The following BICDL1 variants were observed in gnomAD, a reference collection of about 807,000 sequenced individuals.
BICDL1 encodes the protein BICD family-like cargo adapter 1.
BICDL1 carries 20 observed loss-of-function variants against 76.8 expected under a neutral mutation model. That is an observed-to-expected ratio of 0.26 (90% CI 0.18 to 0.38). The LOEUF (loss-of-function observed/expected upper bound fraction) is 0.38, where lower values mean the gene tolerates loss of function less well. BICDL1 is among the 10% of genes least tolerant of loss of function. BICDL1 has a pLI of 1.00. For missense variants in BICDL1, 700 were observed against 798.6 expected (o/e 0.88, Z 1.49); for synonymous variants, 383 against 337.1 (o/e 1.14, Z -1.49).
chr12:120,080,532 C>CT (rs1248604588), intron 7 of BICDL1: 2 of 195,728 alleles, frequency 1.0e-5, no homozygotes, highest in East Asian at 2.2e-4. Context: ...ACCCTAAAAA[C>CT]TGTGTGTCAT....
intron 2 of BICDL1, among the ~76,000 whole-genome samples, chr12:120,022,145 G>A (rs951143075): frequency 2.7e-5 from 4 of 150,582 alleles, no homozygotes; most frequent in Admixed American, 6.6e-5. Flanking sequence ...TGGGTTGGAG[G>A]AACAAGTTAA....
At chr12:120,033,630 G>A (rs1208962867) in intron 2 of BICDL1, among the ~76,000 whole-genome samples, 5 of 151,862 alleles carry the variant, frequency 3.3e-5, no homozygotes, top group African/African-American at 4.8e-5. Context: ...CTTGTGATCC[G>A]CCTGCCTCGG....
At chr12:120,039,657 A>G (rs1042388625) in intron 2 of BICDL1, among the ~76,000 whole-genome samples, 2 of 151,276 alleles carry the variant, frequency 1.3e-5, no homozygotes, top group Middle Eastern at 3.2e-3. Context: ...AAAAAAAAAA[A>G]AAAGAAAAGG....
intron 1 of BICDL1, 71 bp from the exon 2 acceptor site, chr12:119,998,450 C>A: frequency 7.3e-7 from 1 of 1,363,888 alleles, no homozygotes; most frequent in Non-Finnish European, 9.9e-7. Flanking sequence ...AAAGTTGGGA[C>A]AGCGCGGAGA....
In BICDL1 at chr12:119,991,383, A is replaced by G. The variant is rs1179010051; in HGVS notation, c.429+1086A>G. 3.3e-5 allele frequency among the ~76,000 whole-genome samples: 5 copies of G among 152,344 alleles called. No homozygotes were observed. The Middle Eastern group carries it at 0.01, about 311-fold the overall frequency. ...CAGAAATATTCTGTAATAAGATTTA[A>G]GTATGCCTATAGTCCAGCGACGTAA... is the stretch of plus-strand genomic sequence containing the variant. On this transcript the variant is annotated intron_variant, in intron 1 of 9. Transcript: ENST00000548673.
intron 2 of BICDL1, among the ~76,000 whole-genome samples, chr12:120,045,215 T>A (rs1183982662): frequency 6.6e-6 from 1 of 152,128 alleles, no homozygotes; most frequent in African/African-American, 2.4e-5. Flanking sequence ...AAAACCACAA[T>A]GACATACCAT....
In BICDL1 at chr12:119,989,638, C is replaced by T. The variant is rs888952917; in HGVS notation, c.-231C>T. ...CGCCACTACCCCCACCCCCTCCTCC[C>T]GCGCGCGCCTGAGCAGCTGAGCCCG... On this transcript the variant is annotated 5_prime_UTR_variant, in exon 1 of 10. Coordinates refer to ENST00000548673, the MANE Select transcript of BICDL1 (RefSeq NM_001367886.1). Among the ~76,000 whole-genome samples the T allele has an allele frequency of 2.7e-5, 4 of 149,148 alleles. No individual in the cohort carries two copies. Among genetic ancestry groups the T allele is most frequent in the East Asian group, 2.0e-4 (1 of 5,008 alleles).
chr12:120,051,206 C>T (rs1952853128), intron 2 of BICDL1, among the ~76,000 whole-genome samples: 1 of 152,086 alleles, frequency 6.6e-6, no homozygotes, highest in Non-Finnish European at 1.5e-5. Flanking sequence ...CACAACCGCA[C>T]CTGGCTAATT....
chr12:120,054,207 G>C (rs1449679519), intron 2 of BICDL1, among the ~76,000 whole-genome samples: 1 of 151,762 alleles, frequency 6.6e-6, no homozygotes, highest in Non-Finnish European at 1.5e-5. Context: ...CGAGTAGCTG[G>C]GACCACAGGT....
At chr12:119,999,507 ATTG>A (rs1287077055) in intron 2 of BICDL1, among the ~76,000 whole-genome samples, 1 of 152,190 alleles carries the variant, frequency 6.6e-6, no homozygotes, top group Non-Finnish European at 1.5e-5. Context: ...CACTTTTTGT[ATTG>A]TTTAAATATG....
intron 3 of BICDL1, among the ~76,000 whole-genome samples, chr12:120,062,337 A>G (rs536843223): frequency 7.2e-5 from 11 of 152,264 alleles, no homozygotes; most frequent in Admixed American, 1.3e-4. Flanking sequence ...GGATGAGGGG[A>G]AAAAGAAAGT....
intron 2 of BICDL1, among the ~76,000 whole-genome samples, chr12:120,001,741 T>C (rs551147366): frequency 6.6e-5 from 10 of 152,250 alleles, no homozygotes; most frequent in Non-Finnish European, 1.3e-4. Context: ...TACCATAACA[T>C]TTACCCTTTA....
chr12:119,999,180 T>C (rs1467735523), intron 2 of BICDL1, among the ~76,000 whole-genome samples: 1 of 152,132 alleles, frequency 6.6e-6, no homozygotes, highest in East Asian at 1.9e-4. Context: ...AGTATTTCTA[T>C]CTACAAGAAC....
At chr12:120,061,266 G>A (rs1466061301) in intron 2 of BICDL1, among the ~76,000 whole-genome samples, 1 of 152,216 alleles carries the variant, frequency 6.6e-6, no homozygotes, top group Non-Finnish European at 1.5e-5. Context: ...GTAGAGGAGA[G>A]AAATGCAGAT....
chr12:120,012,094 G>A (rs777999598), intron 2 of BICDL1, among the ~76,000 whole-genome samples: 1 of 152,182 alleles, frequency 6.6e-6, no homozygotes, highest in Non-Finnish European at 1.5e-5. Context: ...GCCTTTGCAT[G>A]CAGAACATAT....
Position 120,071,568 on chromosome 12 carries a change from T to G in BICDL1, c.910-54T>G. ...AAGCATGATCAGGTTGAGGGTCAGT[T>G]TGTCTTGGTTTTTGTGTTTGGTAAA... On this transcript the variant is annotated intron_variant, in intron 4 of 9. Coordinates refer to ENST00000548673, the MANE Select transcript of BICDL1 (RefSeq NM_001367886.1). This position sits in a 1 kb window ranked among gnomAD's most constrained non-coding sequence, Gnocchi z 4.8. 1 of 1,538,620 alleles carries G rather than the reference T, an allele frequency of 6.5e-7. No individual in the cohort carries two copies. The highest frequency in any genetic ancestry group is 8.7e-7 in the Non-Finnish European group (1 of 1,142,906).
intron 2 of BICDL1, among the ~76,000 whole-genome samples, chr12:120,016,325 T>G (rs1027071362): frequency 2.2e-4 from 33 of 152,328 alleles, no homozygotes; most frequent in Non-Finnish European, 3.5e-4. Context: ...TTTTCAACTA[T>G]TATGAATAGT....
intron 8 of BICDL1, 30 bp from the exon 9 acceptor site, chr12:120,089,921 C>A (rs1594225955): frequency 1.2e-6 from 2 of 1,611,906 alleles, no homozygotes; most frequent in Admixed American, 3.3e-5. Context: ...CACAAGGTGT[C>A]CATGTTCACC....
At chr12:120,006,886 AT>A (rs1220363158) in intron 2 of BICDL1, among the ~76,000 whole-genome samples, 1 of 151,620 alleles carries the variant, frequency 6.6e-6, no homozygotes, top group East Asian at 2.0e-4. Context: ...CTTTTAAAAG[AT>A]TAGTTACTCT....
Sources: allele counts gnomAD v4.1 joint callset (sites outside exome capture counted in the v4.1 genomes callset), GRCh38; gene constraint gnomAD v4.1.1; non-coding constraint Gnocchi (gnomAD v3.1); transcripts MANE v1.5; gene names NCBI Gene and HGNC (gene_info 2026-07-23, HGNC 2026-07-21).